Variants in PARD3 observed in about 807,000 individuals in gnomAD.
PARD3 encodes the protein par-3 family cell polarity regulator, also known as partitioning defective 3 homolog.
Under a neutral mutation model 155.4 loss-of-function variants are expected in PARD3, and 75 were observed. That is an observed-to-expected ratio of 0.48 (90% CI 0.40 to 0.58). The LOEUF (loss-of-function observed/expected upper bound fraction) is 0.58, where lower values mean the gene tolerates loss of function less well. PARD3 is among the 20% of genes least tolerant of loss of function. The pLI, the probability that PARD3 is intolerant of heterozygous loss-of-function variation, is 0.00. For missense variants in PARD3, 1,642 were observed against 1,721.7 expected (o/e 0.95, Z 0.82); for synonymous variants, 576 against 610.5 (o/e 0.94, Z 0.83).
rs1014818097 is a variant in PARD3, at chr10:34,399,397, C to T, written c.823G>A (p.Val275Ile). 9 of 1,609,120 alleles carry T rather than the reference C, an allele frequency of 5.6e-6. No homozygotes were observed. Among genetic ancestry groups the T allele is most frequent in the East Asian group, 2.2e-5 (1 of 44,840 alleles). ...NFSLDDMVKLVEVPNDGGPLG... is the reference protein window; with the variant it reads ...NFSLDDMVKLIEVPNDGGPLG... ...GGCCCTCCATCGTTGGGGACTTCTA[C>T]GAGCTTTACCATATCACTGTGAGAC... Residue 275 changes from valine (V) to isoleucine (I), a missense_variant, in exon 7 of 25, where the codon GTA becomes ATA. By Grantham distance (29) the Val-to-Ile change is conservative. This residue lies in a region of PARD3 where 1,529 missense variants were observed against 1,587.3 expected (regional missense o/e 0.96). Transcript: ENST00000374788.
At chr10:34,451,284 A>T (rs773937) in intron 4 of PARD3, among the ~76,000 whole-genome samples, 5 of 152,070 alleles carry the variant, frequency 3.3e-5, no homozygotes, top group East Asian at 1.9e-4. Flanking sequence ...TTTAGTTCAA[A>T]GACGAAATCT....
intron 4 of PARD3, among the ~76,000 whole-genome samples, chr10:34,468,079 T>G (rs1323049538): frequency 6.6e-6 from 1 of 152,046 alleles, no homozygotes; most frequent in African/African-American, 2.4e-5. Context: ...GGGTGGTGTA[T>G]AGTGTGTAGT....
chr10:34,125,289 A>G (rs968233041), intron 23 of PARD3, among the ~76,000 whole-genome samples: 2 of 149,548 alleles, frequency 1.3e-5, no homozygotes, highest in African/African-American at 2.5e-5. Context: ...CTGGTCTTGA[A>G]CTCCTGACCT....
chr10:34,791,276 G>C (rs1475808550), intron 1 of PARD3, among the ~76,000 whole-genome samples: 3 of 152,136 alleles, frequency 2.0e-5, no homozygotes, highest in Admixed American at 1.3e-4. Flanking sequence ...GACAGTCCCA[G>C]GTAGAAGCCA....
intron 2 of PARD3, among the ~76,000 whole-genome samples, chr10:34,549,714 A>T (rs1178994331): frequency 6.6e-6 from 1 of 152,058 alleles, no homozygotes; most frequent in Non-Finnish European, 1.5e-5. Flanking sequence ...TAAAATTTTC[A>T]TGCTACTATC....
chr10:34,199,190 C>T (rs917149780), intron 22 of PARD3, among the ~76,000 whole-genome samples: 9 of 152,126 alleles, frequency 5.9e-5, no homozygotes, highest in African/African-American at 1.2e-4. Flanking sequence ...CCAATCAGAT[C>T]GGACCTCATT....
chr10:34,608,534 C>CTTTTT lies in PARD3; in HGVS notation c.222+87779_222+87783dup, dbSNP rs71299715. On this transcript the variant is annotated intron_variant, in intron 2 of 24. Coordinates refer to ENST00000374788, the MANE Select transcript of PARD3 (RefSeq NM_001184785.2). The stretch of plus-strand genomic sequence containing the variant: ...CAAAAGAATACAGTAAAAAAGAATA[C>CTTTTT]TTTTTTTTTTTTTTTTTTGAGACGG... Among the ~76,000 whole-genome samples the CTTTTT allele has an allele frequency of 8.7e-4, 109 of 125,368 alleles. 1 individual carries two copies. Among genetic ancestry groups the CTTTTT allele is most frequent in the Middle Eastern group, 4.2e-3 (1 of 238 alleles). 82.2% of individuals were successfully genotyped at this position (125,368 alleles called of 152,430 possible).
chr10:34,620,566 T>C (rs959398669), intron 2 of PARD3, among the ~76,000 whole-genome samples: 2 of 152,218 alleles, frequency 1.3e-5, no homozygotes, highest in East Asian at 3.8e-4. Context: ...AACAAAACAG[T>C]AACTGGAAAT....
rs772269864 is a variant in PARD3, at chr10:34,605,560, CTATA to C, written c.223-88405_223-88402del. On this transcript the variant is annotated intron_variant, in intron 2 of 24. Transcript: ENST00000374788. ...TCCTATATATATATATATATATCTC[CTATA>C]TATATATATATCTCCTATATATATC... Among the ~76,000 whole-genome samples, 10 of 14,578 alleles carry C rather than the reference CTATA, an allele frequency of 6.9e-4. 2 individuals carry two copies. In the East Asian group the frequency reaches 0.013, roughly 19 times the overall value. The allele number at this position is 14,578 out of a possible 152,430, so 9.6% of individuals were successfully genotyped here. A position where few individuals can be genotyped will look rare whatever the true frequency, so the allele number is the denominator to read the frequency against.
chr10:34,789,717 A>C (rs898202307), intron 1 of PARD3, among the ~76,000 whole-genome samples: 7 of 149,070 alleles, frequency 4.7e-5, no homozygotes, highest in East Asian at 1.9e-4. Flanking sequence ...CCGCCCCCCC[A>C]AAAAAATAAG....
intron 21 of PARD3, among the ~76,000 whole-genome samples, chr10:34,282,193 T>C (rs1221441577): frequency 6.6e-6 from 1 of 152,060 alleles, no homozygotes; most frequent in Non-Finnish European, 1.5e-5. Context: ...TAAAACATAC[T>C]TGCAAAAAGT....
At chr10:34,466,450 C>A (rs934985180) in intron 4 of PARD3, among the ~76,000 whole-genome samples, 1 of 152,116 alleles carries the variant, frequency 6.6e-6, no homozygotes, top group Non-Finnish European at 1.5e-5. Flanking sequence ...TGCTTAGAAA[C>A]AAGATTTTAA....
chr10:34,733,457 A>C (rs2094853450), intron 1 of PARD3, among the ~76,000 whole-genome samples: 1 of 152,214 alleles, frequency 6.6e-6, no homozygotes, highest in Non-Finnish European at 1.5e-5. Flanking sequence ...AGCTTAAAAA[A>C]ACAACTAGTG....
chr10:34,710,083 A>G (rs909914232), intron 1 of PARD3, among the ~76,000 whole-genome samples: 2 of 152,166 alleles, frequency 1.3e-5, no homozygotes, highest in African/African-American at 4.8e-5. Flanking sequence ...GAAATTTAAA[A>G]TGTGGAGGAA....
At position 34,345,138 on chromosome 10, in the gene PARD3, G is replaced by A. The variant is rs974412874; in HGVS notation, c.2218+2827C>T. The A allele has an allele frequency of 2.7e-5, 27 of 985,118 alleles. No individual in the cohort carries two copies. In the African/African-American group the frequency reaches 3.8e-4, roughly 14 times the overall value. 61.0% of individuals were successfully genotyped at this position (985,118 alleles called of 1,614,324 possible). ...CAGAGAGGGCTATTTTTAGAAAAAGGAAATAGCCAAAAACAAAGTAAAACA... is the reference window on the plus strand; with the variant it reads ...CAGAGAGGGCTATTTTTAGAAAAAGAAAATAGCCAAAAACAAAGTAAAACA... On this transcript the variant is annotated intron_variant, in intron 15 of 24. Coordinates refer to ENST00000374788, the MANE Select transcript of PARD3 (RefSeq NM_001184785.2).
chr10:34,756,472 T>TC (rs1370428671), intron 1 of PARD3, among the ~76,000 whole-genome samples: 1 of 107,578 alleles, frequency 9.3e-6, no homozygotes, highest in African/African-American at 3.2e-5. Context: ...TTTTTTTTTT[T>TC]CTTATAAAAA....
chr10:34,189,933 C>T (rs1950634463), intron 22 of PARD3, among the ~76,000 whole-genome samples: 1 of 152,188 alleles, frequency 6.6e-6, no homozygotes, highest in South Asian at 2.1e-4. Flanking sequence ...ACCATCATGA[C>T]TTTGATGGTT....
At chr10:34,411,559 A>T (rs1158989046) in intron 5 of PARD3, among the ~76,000 whole-genome samples, 1 of 152,094 alleles carries the variant, frequency 6.6e-6, no homozygotes, top group African/African-American at 2.4e-5. Context: ...GAAGTATCAG[A>T]TCTTCTGGGG....
intron 2 of PARD3, among the ~76,000 whole-genome samples, chr10:34,529,504 C>T (rs2082695013): frequency 6.6e-6 from 1 of 152,128 alleles, no homozygotes; most frequent in Non-Finnish European, 1.5e-5. Context: ...GACCCTAGAA[C>T]AATGCAGGGA....
Sources: gnomAD v4.1 joint callset for allele counts (sites outside exome capture counted in the v4.1 genomes callset) on GRCh38, gnomAD v4.1.1 for gene constraint, gnomAD v4.1.1 regional missense constraint, MANE v1.5 for transcripts, NCBI Gene and HGNC (gene_info 2026-07-23, HGNC 2026-07-21) for gene names.